Variants in CNTN4 observed in about 807,000 individuals in gnomAD.
The protein encoded by CNTN4 is contactin 4.
Under a neutral mutation model 122.5 loss-of-function variants are expected in CNTN4, and 77 were observed. The ratio of observed to expected loss-of-function variants is 0.63; its 90% confidence interval spans 0.52 to 0.76. The LOEUF is 0.76. Ranked by LOEUF, CNTN4 falls within the 30% of genes least tolerant of loss-of-function variation. The probability of loss-of-function intolerance (pLI) is 0.00; values close to 1 mark genes in which losing one functional copy is unlikely to be tolerated. For missense variants in CNTN4, 1,256 were observed against 1,259.1 expected (o/e 1.00, Z 0.04); for synonymous variants, 512 against 447.0 (o/e 1.15, Z -1.83).
intron 13 of CNTN4, among the ~76,000 whole-genome samples, chr3:2,932,146 G>A (rs1005992262): frequency 3.5e-4 from 54 of 152,252 alleles, no homozygotes; most frequent in Non-Finnish European, 3.8e-4. Flanking sequence ...GGGACGTCGA[G>A]GCAGGCGGAT....
chr3:2,233,115 C>G (rs201126036), intron 2 of CNTN4, among the ~76,000 whole-genome samples: 1 of 60,144 alleles, frequency 1.7e-5, no homozygotes, highest in Non-Finnish European at 3.4e-5. Context: ...TATTTTTAAA[C>G]TAATGGGGGT....
chr3:2,134,475 A>G (rs554928572), intron 2 of CNTN4, among the ~76,000 whole-genome samples: 4 of 152,306 alleles, frequency 2.6e-5, no homozygotes, highest in East Asian at 3.9e-4. Context: ...TTAGGGAGAC[A>G]TGAGTATTGT....
At chr3:2,156,136 G>A (rs1195987518) in intron 2 of CNTN4, among the ~76,000 whole-genome samples, 1 of 152,122 alleles carries the variant, frequency 6.6e-6, no homozygotes, top group African/African-American at 2.4e-5. Flanking sequence ...GAGCAAAAAT[G>A]CTTGGTATCT....
intron 2 of CNTN4, among the ~76,000 whole-genome samples, chr3:2,332,017 T>G (rs1436626881): frequency 6.6e-6 from 1 of 152,178 alleles, no homozygotes; most frequent in Non-Finnish European, 1.5e-5. Context: ...CCATGTCTTG[T>G]TTGCTGGCCC....
At chr3:2,203,581 C>A (rs2149400276) in intron 2 of CNTN4, among the ~76,000 whole-genome samples, 1 of 152,200 alleles carries the variant, frequency 6.6e-6, no homozygotes, top group Non-Finnish European at 1.5e-5. Flanking sequence ...GCTCTATTTT[C>A]TCTAAGTTAA....
At chr3:2,795,426 A>G (rs1314537897) in intron 6 of CNTN4, among the ~76,000 whole-genome samples, 1 of 152,118 alleles carries the variant, frequency 6.6e-6, no homozygotes, top group Admixed American at 6.5e-5. Flanking sequence ...TGACATTCCC[A>G]CGGAGGAAGG....
At chr3:3,038,434 G>A (rs1466416613) in intron 18 of CNTN4, among the ~76,000 whole-genome samples, 1 of 152,084 alleles carries the variant, frequency 6.6e-6, no homozygotes, top group Non-Finnish European at 1.5e-5. Context: ...TGAGCAGGGC[G>A]CTACTCCGGA....
At chr3:2,112,509 T>C (rs543997510) in intron 2 of CNTN4, among the ~76,000 whole-genome samples, 1 of 152,262 alleles carries the variant, frequency 6.6e-6, no homozygotes, top group South Asian at 2.1e-4. Flanking sequence ...GTTAATGTTA[T>C]TTTACTTCCT....
intron 2 of CNTN4, among the ~76,000 whole-genome samples, chr3:2,253,324 C>T (rs972613770): frequency 1.3e-5 from 2 of 151,988 alleles, no homozygotes; most frequent in African/African-American, 4.8e-5. Context: ...TAAAAGTAGC[C>T]TTATAGCCTT....
At chr3:2,490,228 G>C (rs1250271934) in intron 3 of CNTN4, among the ~76,000 whole-genome samples, 1 of 152,212 alleles carries the variant, frequency 6.6e-6, no homozygotes, top group African/African-American at 2.4e-5. Flanking sequence ...ACGCTCATCT[G>C]AGCATGGCTT....
At chr3:2,753,129 A>G (rs1423606651) in intron 6 of CNTN4, among the ~76,000 whole-genome samples, 1 of 152,190 alleles carries the variant, frequency 6.6e-6, no homozygotes, top group Non-Finnish European at 1.5e-5. Context: ...TCTTTTGAAT[A>G]TATACCCAGT....
intron 3 of CNTN4, among the ~76,000 whole-genome samples, chr3:2,361,397 A>G (rs979133092): frequency 6.6e-6 from 1 of 152,184 alleles, no homozygotes; most frequent in African/African-American, 2.4e-5. Context: ...TTTTGTAACC[A>G]GTGGGTAGCT....
rs547505764 is a variant in CNTN4, at chr3:2,897,053, A to G, written c.941-3632A>G. ...TCTGTTTTTAGAAAATCGAAGCGCCAAATACTCCTGAGAATTGTTTGACCC... is the reference window on the plus strand; with the variant it reads ...TCTGTTTTTAGAAAATCGAAGCGCCGAATACTCCTGAGAATTGTTTGACCC... On this transcript the variant is annotated intron_variant, in intron 10 of 24. Transcript: ENST00000418658. Among the ~76,000 whole-genome samples, 4 of 151,960 alleles carry G rather than the reference A, an allele frequency of 2.6e-5. No individual in the cohort carries two copies. The South Asian group carries it at 6.2e-4, about 24-fold the overall frequency.
At chr3:2,208,760 C>G (rs2038476244) in intron 2 of CNTN4, among the ~76,000 whole-genome samples, 1 of 152,082 alleles carries the variant, frequency 6.6e-6, no homozygotes, top group African/African-American at 2.4e-5. Context: ...CAAACACCAC[C>G]CTGATTAGTC....
At chr3:3,042,468 C>A (rs755215072) in intron 21 of CNTN4, 46 bp downstream of exon 21, 5 of 1,202,874 alleles carry the variant, frequency 4.2e-6, no homozygotes, top group African/African-American at 1.5e-5. Flanking sequence ...AGTCTATGCC[C>A]CTTGATAAGT....
At chr3:2,938,951 CCAGA>C (rs552400223) in intron 13 of CNTN4, among the ~76,000 whole-genome samples, 89 of 152,302 alleles carry the variant, frequency 5.8e-4, no homozygotes, top group Middle Eastern at 3.4e-3. Context: ...GATATTAAAA[CCAGA>C]CAGGCAGTGC....
chr3:2,401,332 A>G (rs1266055511), intron 3 of CNTN4, among the ~76,000 whole-genome samples: 2 of 152,134 alleles, frequency 1.3e-5, no homozygotes, highest in Admixed American at 6.6e-5. Flanking sequence ...GACTTCTTGT[A>G]TAATGTCCTT....
At chr3:2,545,533 C>G (rs1176823634) in intron 3 of CNTN4, among the ~76,000 whole-genome samples, 2 of 151,822 alleles carry the variant, frequency 1.3e-5, no homozygotes, top group East Asian at 3.9e-4. Context: ...CTTTATGAAT[C>G]TAGCTGCCCT....
chr3:2,282,197 G>T (rs537875777), intron 2 of CNTN4, among the ~76,000 whole-genome samples: 1 of 152,022 alleles, frequency 6.6e-6, no homozygotes, highest in Non-Finnish European at 1.5e-5. Flanking sequence ...AGTAATTGGC[G>T]TGGATTTTAT....
Sources: allele counts gnomAD v4.1 joint callset (sites outside exome capture counted in the v4.1 genomes callset), GRCh38; gene constraint gnomAD v4.1.1; transcripts MANE v1.5; gene names NCBI Gene and HGNC (gene_info 2026-07-23, HGNC 2026-07-21).